The following THSD7B variants were observed in gnomAD, a reference collection of about 807,000 sequenced individuals.
THSD7B encodes the protein thrombospondin type 1 domain containing 7B, also known as thrombospondin type-1 domain-containing protein 7B.
A neutral mutation model predicts 213.6 loss-of-function variants in THSD7B; 138 were observed. That is an observed-to-expected ratio of 0.65 (90% CI 0.56 to 0.74). THSD7B has a LOEUF of 0.74. Among genes scored for constraint, THSD7B ranks in the 30% least tolerant of loss-of-function variants. The pLI is 0.00. For synonymous variants in THSD7B, 742 were observed against 687.0 expected (o/e 1.08, Z -1.25); for missense variants, 1,931 against 1,991.5 (o/e 0.97, Z 0.58).
chr2:137,389,193 C>T (rs991358348), intron 12 of THSD7B, among the ~76,000 whole-genome samples: 2 of 127,300 alleles, frequency 1.6e-5, no homozygotes, highest in African/African-American at 3.1e-5. Flanking sequence ...ATATATCTGT[C>T]ATATATATAT....
intron 15 of THSD7B, among the ~76,000 whole-genome samples, chr2:137,487,122 A>C (rs905810942): frequency 6.7e-6 from 1 of 150,150 alleles, no homozygotes; most frequent in African/African-American, 2.5e-5. Flanking sequence ...TAATCCCAGC[A>C]CTTTGGGAGG....
intron 12 of THSD7B, among the ~76,000 whole-genome samples, chr2:137,388,180 T>G (rs1365076126): frequency 6.6e-6 from 1 of 152,096 alleles, no homozygotes; most frequent in African/African-American, 2.4e-5. Context: ...TTCAATAGGC[T>G]TTTTCATAAT....
intron 11 of THSD7B, among the ~76,000 whole-genome samples, chr2:137,274,679 G>A (rs77126726): frequency 0.033 from 5,036 of 152,110 alleles, 93 homozygotes; most frequent in East Asian, 0.052. Context: ...TTTTGGTCAA[G>A]AAGGTCTGTA....
chr2:137,138,185 G>T (rs1168016280), intron 5 of THSD7B, among the ~76,000 whole-genome samples: 1 of 152,030 alleles, frequency 6.6e-6, no homozygotes, highest in Non-Finnish European at 1.5e-5. Flanking sequence ...TATTTTTTTG[G>T]AATAGTTTTG....
At chr2:137,616,111 A>G (rs1682380272) in intron 17 of THSD7B, 64 bp from the exon 18 acceptor site, 2 of 1,555,916 alleles carry the variant, frequency 1.3e-6, no homozygotes, top group Admixed American at 1.8e-5. Context: ...TTATACCTGT[A>G]TATCTTATAT....
intron 14 of THSD7B, among the ~76,000 whole-genome samples, chr2:137,442,247 T>A (rs1272464755): frequency 1.3e-5 from 2 of 152,142 alleles, no homozygotes; most frequent in African/African-American, 4.8e-5. Context: ...CACATCCTCA[T>A]TTGATTTGAT....
chr2:136,829,326 C>T (rs986223380), intron 1 of THSD7B, among the ~76,000 whole-genome samples: 1 of 152,036 alleles, frequency 6.6e-6, no homozygotes, highest in Non-Finnish European at 1.5e-5. Context: ...CTTTTCTTGG[C>T]TTTCTCCTTC....
intron 6 of THSD7B, among the ~76,000 whole-genome samples, chr2:137,164,134 A>C (rs12990679): frequency 6.6e-6 from 1 of 152,064 alleles, no homozygotes; most frequent in Non-Finnish European, 1.5e-5. Flanking sequence ...TTGTCATTGG[A>C]TGAAGGGGGA....
intron 2 of THSD7B, among the ~76,000 whole-genome samples, chr2:136,921,417 T>C (rs900198131): frequency 1.2e-4 from 18 of 151,548 alleles, no homozygotes; most frequent in Non-Finnish European, 2.6e-4. Context: ...ACACACACCA[T>C]TGCAACCCAC....
intron 21 of THSD7B, among the ~76,000 whole-genome samples, chr2:137,646,582 G>A (rs1683035607): frequency 1.3e-5 from 2 of 150,482 alleles, no homozygotes; most frequent in South Asian, 4.2e-4. Context: ...AACCTGGGAG[G>A]CGGAGGTTGG....
At chr2:136,854,135 G>A (rs1290248593) in intron 1 of THSD7B, among the ~76,000 whole-genome samples, 1 of 152,040 alleles carries the variant, frequency 6.6e-6, no homozygotes, top group Non-Finnish European at 1.5e-5. Context: ...GTGCACATTG[G>A]TAGTGAAATG....
chr2:137,670,494 A>C (rs1683539178), intron 27 of THSD7B, among the ~76,000 whole-genome samples: 1 of 152,230 alleles, frequency 6.6e-6, no homozygotes, highest in South Asian at 2.1e-4. Flanking sequence ...AATAGAAAAA[A>C]AATTGACTTT....
At chr2:137,661,672 A>G (rs1160347494) in intron 25 of THSD7B, among the ~76,000 whole-genome samples, 1 of 152,176 alleles carries the variant, frequency 6.6e-6, no homozygotes, top group Non-Finnish European at 1.5e-5. Flanking sequence ...AGAGCAGGAA[A>G]GAAAGGAAGT....
At chr2:136,932,148 T>C (rs1684642597) in intron 2 of THSD7B, among the ~76,000 whole-genome samples, 1 of 152,208 alleles carries the variant, frequency 6.6e-6, no homozygotes, top group African/African-American at 2.4e-5. Context: ...TAATTATTGA[T>C]AATTTACCTG....
At chr2:136,833,241 T>C (rs982420567) in intron 1 of THSD7B, among the ~76,000 whole-genome samples, 22 of 151,744 alleles carry the variant, frequency 1.4e-4, no homozygotes, top group Non-Finnish European at 2.4e-4. Flanking sequence ...GGCGGGTGCC[T>C]GTAGTCCCAG....
At chr2:137,344,757 G>C (rs1684838735) in intron 12 of THSD7B, among the ~76,000 whole-genome samples, 1 of 151,660 alleles carries the variant, frequency 6.6e-6, no homozygotes, top group Admixed American at 6.6e-5. Flanking sequence ...GAAAGAGCAT[G>C]ATGATGGTCT....
At chr2:137,623,561 A>G (rs1430624315) in intron 20 of THSD7B, among the ~76,000 whole-genome samples, 1 of 152,236 alleles carries the variant, frequency 6.6e-6, no homozygotes, top group East Asian at 1.9e-4. Flanking sequence ...AGATGACATG[A>G]TTGTATATTG....
intron 1 of THSD7B, among the ~76,000 whole-genome samples, chr2:136,806,831 C>CG (rs1468381358): frequency 6.6e-6 from 1 of 152,208 alleles, no homozygotes; most frequent in Non-Finnish European, 1.5e-5. Context: ...TTCATGCCTC[C>CG]TTAGGCTTCT....
In THSD7B at chr2:137,552,547, G is replaced by T. The variant is rs78133648; in HGVS notation, c.3139-10674G>T. Among the ~76,000 whole-genome samples the T allele has an allele frequency of 4.5e-3, 677 of 152,082 alleles. 4 individuals carry two copies. The highest frequency in any genetic ancestry group is 6.3e-3 in the Admixed American group (96 of 15,252). On this transcript the variant is annotated intron_variant, in intron 15 of 27. Coordinates refer to ENST00000409968, the MANE Select transcript of THSD7B (RefSeq NM_001316349.2). ...TGTGATGACCAAGACTTAAGACACAGAATACCTTACATAAGCTATAAAGTT... is the reference window on the plus strand; with the variant it reads ...TGTGATGACCAAGACTTAAGACACATAATACCTTACATAAGCTATAAAGTT...
Sources: allele counts gnomAD v4.1 joint callset (sites outside exome capture counted in the v4.1 genomes callset), GRCh38; gene constraint gnomAD v4.1.1; transcripts MANE v1.5; gene names NCBI Gene and HGNC (gene_info 2026-07-23, HGNC 2026-07-21).